Variants in TEX11 observed in about 807,000 individuals in gnomAD.
TEX11 encodes testis expressed 11, also known as testis-expressed protein 11.
TEX11 carries 7 observed loss-of-function variants against 84.4 expected under a neutral mutation model. The observed-to-expected ratio is 0.08, with a 90% CI of 0.05 to 0.16. The LOEUF is 0.16. TEX11 is among the 10% of genes least tolerant of loss of function. The probability of loss-of-function intolerance (pLI) is 1.00; values close to 1 mark genes in which losing one functional copy is unlikely to be tolerated. For synonymous variants in TEX11, 264 were observed against 222.8 expected (o/e 1.18, Z -1.64); for missense variants, 551 against 660.5 (o/e 0.83, Z 1.82).
chrX:70,552,327 T>C, intron 27 of TEX11, 81 bp from the exon 28 acceptor site: 1 of 1,110,190 alleles, frequency 9.0e-7, no homozygotes, highest in African/African-American at 1.8e-5. Context: ...AACCTGGATC[T>C]CATCCCAGAC....
intron 15 of TEX11, among the ~76,000 whole-genome samples, chrX:70,672,216 A>G (rs138007202): frequency 1.3e-3 from 149 of 110,675 alleles, no homozygotes; most frequent in African/African-American, 4.6e-3. Context: ...GCTGAGTAGT[A>G]TTTCATTGAA....
At position 70,833,505 on chromosome X, in the gene TEX11, T is replaced by A; in HGVS notation, c.606+8A>T. 8.4e-7 allele frequency: 1 copy of A among 1,193,889 alleles called. No individual in the cohort carries two copies. Among genetic ancestry groups the A allele is most frequent in the East Asian group, 3.0e-5 (1 of 33,588 alleles). On this transcript the variant is annotated splice_region_variant and intron_variant, in intron 8 of 29. Transcript: ENST00000374333. ...TTCAAACTCTTGGAGAATGCAGACT[T>A]CACTCACCATCTGGGGGAGCCTCAT... is the stretch of plus-strand genomic sequence containing the variant.
At chrX:70,761,287 G>A (rs928010577) in intron 9 of TEX11, among the ~76,000 whole-genome samples, 3 of 111,831 alleles carry the variant, frequency 2.7e-5, no homozygotes, top group Non-Finnish European at 3.8e-5. Flanking sequence ...TATAAATCAC[G>A]CTACTATAAA....
At chrX:70,775,862 C>A (rs904968888) in intron 9 of TEX11, among the ~76,000 whole-genome samples, 1 of 100,884 alleles carries the variant, frequency 9.9e-6, no homozygotes, top group African/African-American at 3.6e-5. Flanking sequence ...TATCACTAAT[C>A]ATGAGGGAAA....
intron 17 of TEX11, among the ~76,000 whole-genome samples, chrX:70,640,874 G>T (rs1476189294): frequency 2.7e-5 from 3 of 109,149 alleles, no homozygotes; most frequent in Non-Finnish European, 3.8e-5. Flanking sequence ...ACGGGCAAAA[G>T]AACCAGCTAA....
chrX:70,712,827 G>C (rs1405917554), intron 13 of TEX11, among the ~76,000 whole-genome samples: 1 of 111,172 alleles, frequency 9.0e-6, no homozygotes, highest in African/African-American at 3.3e-5. Context: ...CCAACACTAT[G>C]TTGAATAGGA....
intron 9 of TEX11, among the ~76,000 whole-genome samples, chrX:70,788,882 A>G (rs766146203): frequency 1.8e-3 from 178 of 96,476 alleles, no homozygotes; most frequent in African/African-American, 6.4e-3. Flanking sequence ...CAAAGAGTCA[A>G]CCTACAGATT....
chrX:70,874,624 A>G (rs2091646670), intron 3 of TEX11, among the ~76,000 whole-genome samples: 1 of 103,336 alleles, frequency 9.7e-6, no homozygotes, highest in Admixed American at 1.0e-4. Context: ...CTGGTCTCGA[A>G]CTCCTGACCT....
intron 8 of TEX11, among the ~76,000 whole-genome samples, chrX:70,832,881 A>C (rs2091384358): frequency 9.1e-6 from 1 of 110,153 alleles, no homozygotes; most frequent in African/African-American, 3.4e-5. Context: ...AGACAAACTC[A>C]TTTTTTTCTT....
intron 13 of TEX11, among the ~76,000 whole-genome samples, chrX:70,698,755 A>G (rs1225679695): frequency 9.0e-6 from 1 of 111,345 alleles, no homozygotes; most frequent in African/African-American, 3.3e-5. Flanking sequence ...AAGGGACAGG[A>G]AGACTGTAGA....
chrX:70,529,935 A>G lies in TEX11; in HGVS notation c.2585T>C (p.Met862Thr). ...MVKSWNTGVL[M>T]FSRSKYASAE... ...AGATGCATACTTGCTCCTGCTAAAC[A>G]TAAGTACTCCGGTATTCCAGGACTT... Residue 862 changes from methionine (M) to threonine (T), a missense_variant, in exon 29 of 30, where the codon ATG becomes ACG. Coordinates refer to ENST00000374333, the MANE Select transcript of TEX11 (RefSeq NM_031276.3). 16 of 1,211,654 alleles carry G rather than the reference A, an allele frequency of 1.3e-5. No individual in the cohort carries two copies. The highest frequency in any genetic ancestry group is 1.7e-5 in the Non-Finnish European group (15 of 895,380).
At chrX:70,874,159 G>A (rs1244110630) in intron 3 of TEX11, among the ~76,000 whole-genome samples, 1 of 110,681 alleles carries the variant, frequency 9.0e-6, no homozygotes, top group African/African-American at 3.3e-5. Context: ...GAAACTTCCA[G>A]AGGCCCTCAC....
intron 28 of TEX11, among the ~76,000 whole-genome samples, chrX:70,545,476 G>A (rs1431984229): frequency 1.8e-5 from 2 of 111,519 alleles, no homozygotes; most frequent in Non-Finnish European, 3.8e-5. Flanking sequence ...TGCTGGAAAG[G>A]CTTCTTGGGC....
chrX:70,877,153 G>C (rs1483028849), intron 3 of TEX11, among the ~76,000 whole-genome samples: 27 of 110,380 alleles, frequency 2.4e-4, no homozygotes, highest in Non-Finnish European at 1.1e-4. Flanking sequence ...AATTAGCCAG[G>C]TGTGGTGGCG....
intron 9 of TEX11, among the ~76,000 whole-genome samples, chrX:70,750,966 A>ATATAT (rs1411833714): frequency 8.3e-5 from 7 of 84,466 alleles, no homozygotes; most frequent in Admixed American, 2.6e-4. Flanking sequence ...ATATATATAT[A>ATATAT]AAAGTCAGGA....
chrX:70,519,081 G>A, the TEX11 span, among the ~76,000 whole-genome samples: 33 of 111,913 alleles, frequency 2.9e-4, no homozygotes, highest in African/African-American at 8.8e-4. Flanking sequence ...GCTAGTCTGT[G>A]TCTTTTAATT....
At chrX:70,516,046 G>A in the TEX11 span, among the ~76,000 whole-genome samples, 7 of 111,699 alleles carry the variant, frequency 6.3e-5, no homozygotes, top group African/African-American at 9.7e-5. Context: ...AGTAGGTTGC[G>A]AAAATTTTCT....
At chrX:70,807,110 A>G (rs2091223809) in intron 8 of TEX11, among the ~76,000 whole-genome samples, 1 of 112,547 alleles carries the variant, frequency 8.9e-6, no homozygotes, top group Non-Finnish European at 1.9e-5. Flanking sequence ...AGGAAATGAG[A>G]AACCCAATCA....
At chrX:70,728,497 CAAA>C (rs2090617522) in intron 11 of TEX11, among the ~76,000 whole-genome samples, 1 of 113,015 alleles carries the variant, frequency 8.8e-6, no homozygotes, top group African/African-American at 3.2e-5. Context: ...TCTTAGCAAA[CAAA>C]ACACCAGGAA....
Sources: gnomAD v4.1 joint callset for allele counts (sites outside exome capture counted in the v4.1 genomes callset) on GRCh38, gnomAD v4.1.1 for gene constraint, MANE v1.5 for transcripts, NCBI Gene and HGNC (gene_info 2026-07-23, HGNC 2026-07-21) for gene names.